ITGB7: variants seen among roughly 807,000 people sequenced by gnomAD.
The protein encoded by ITGB7 is integrin beta-7.
ITGB7 carries 55 observed loss-of-function variants against 83.4 expected under a neutral mutation model. The observed-to-expected ratio is 0.66, with a 90% CI of 0.53 to 0.83. The LOEUF is 0.83. Ranked by LOEUF, ITGB7 falls within the 40% of genes least tolerant of loss-of-function variation. The pLI, the probability that ITGB7 is intolerant of heterozygous loss-of-function variation, is 0.00. For synonymous variants in ITGB7, 454 were observed against 423.6 expected, an observed-to-expected ratio of 1.07 and a Z score of -0.88; for missense variants, 921 against 1,046.7, an observed-to-expected ratio of 0.88 and a Z score of 1.66.
intron 1 of ITGB7, among the ~76,000 whole-genome samples, chr12:53,201,643 T>G (rs920920735): frequency 1.9e-5 from 2 of 105,546 alleles, no homozygotes; most frequent in Admixed American, 1.6e-4. Context: ...CCATTGGCCC[T>G]TTTTTTTTTG....
At chr12:53,200,475 G>C (rs572930216) in intron 2 of ITGB7, 29 bp from the exon 3 acceptor site, 10 of 1,593,744 alleles carry the variant, frequency 6.3e-6, no homozygotes, top group African/African-American at 1.3e-5. Context: ...GGGGACATGT[G>C]GGTCCTCAGG....
At position 53,192,915 on chromosome 12, in the gene ITGB7, G is replaced by A. The variant is rs1253625051; in HGVS notation, c.1727-5C>T. 1.9e-6 allele frequency: 3 copies of A among 1,613,344 alleles called. No individual in the cohort carries two copies. The highest frequency in any genetic ancestry group is 2.7e-5 in the African/African-American group (2 of 74,918). ...CACATTGGCAGCGACCAAAGCCTGG[G>A]GTAGAGCCATGCAGAGGGTGACAAC... On this transcript the variant is annotated splice_region_variant and splice_polypyrimidine_tract_variant and intron_variant, in intron 12 of 15. Coordinates refer to ENST00000267082, the MANE Select transcript of ITGB7 (RefSeq NM_000889.3).
intron 1 of ITGB7, among the ~76,000 whole-genome samples, chr12:53,206,107 C>G (rs1209723962): frequency 6.6e-6 from 1 of 152,182 alleles, no homozygotes; most frequent in Non-Finnish European, 1.5e-5. Flanking sequence ...CAGCCCTTTC[C>G]TACCTTTCTT....
At position 53,197,677 on chromosome 12, in the gene ITGB7, G is replaced by A; in HGVS notation, c.404-14C>T. 1 of 1,612,212 alleles carries A rather than the reference G, an allele frequency of 6.2e-7. No homozygotes were observed. Among genetic ancestry groups the A allele is most frequent in the South Asian group, 1.1e-5 (1 of 90,846 alleles). On this transcript the variant is annotated splice_polypyrimidine_tract_variant and intron_variant, in intron 4 of 15. Coordinates refer to ENST00000267082, the MANE Select transcript of ITGB7 (RefSeq NM_000889.3). ...GCTGGGGCTCCCCTAGGGGGTGGGC[G>A]GCGGGCGGGTCAGCAGAGCGCATTG...
rs567856487 is a variant in ITGB7 at position 53,201,504 on chromosome 12, G to A, written c.-126-310C>T. On this transcript the variant is annotated intron_variant, in intron 1 of 15. Coordinates refer to ENST00000267082, the MANE Select transcript of ITGB7 (RefSeq NM_000889.3). ...TAATCTAGATTGAAGAAAGAGCCTG[G>A]AGACAGGGTAATACCTTGAGTGACC... 2.0e-5 allele frequency among the ~76,000 whole-genome samples: 3 copies of A among 152,260 alleles called. No individual in the cohort carries two copies. In the South Asian group the frequency reaches 6.2e-4, roughly 32 times the overall value.
Position 53,193,707 on chromosome 12 carries a change from C to T in ITGB7, c.1502+1G>A. ...GGTTGAAGGGAAGAGGAGGCCCTCA[C>T]CTGCATACACCACATTGTAGGTGTC... is the stretch of plus-strand genomic sequence containing the variant. On this transcript the variant is annotated splice_donor_variant, in intron 11 of 15. Transcript: ENST00000267082. LOFTEE classifies it high-confidence loss of function. 6.2e-7 allele frequency: 1 copy of T among 1,608,800 alleles called. No individual in the cohort carries two copies. The highest frequency in any genetic ancestry group is 1.1e-5 in the South Asian group (1 of 90,372).
intron 3 of ITGB7, among the ~76,000 whole-genome samples, chr12:53,198,624 C>T (rs1347366432): frequency 7.1e-6 from 1 of 140,492 alleles, no homozygotes; most frequent in Non-Finnish European, 1.5e-5. Flanking sequence ...CCTATCTCAA[C>T]TCCCCCTTGC....
intron 5 of ITGB7, chr12:53,197,253 A>C: frequency 1.7e-6 from 1 of 603,484 alleles, no homozygotes; most frequent in Non-Finnish European, 3.0e-6. Flanking sequence ...GCCTGAGCAC[A>C]GTCTCTCCAG....
Position 53,196,649 on chromosome 12 carries a change from T to C in ITGB7, c.746A>G (p.Gln249Arg), listed in dbSNP as rs1942170893. 6.2e-7 allele frequency: 1 copy of C among 1,612,170 alleles called. No homozygotes were observed. The highest frequency in any genetic ancestry group is 8.5e-7 in the Non-Finnish European group (1 of 1,179,124). The stretch of plus-strand genomic sequence containing the variant: ...CGAGTCCAGATTGCCGGACACACTC[T>C]GGCGCCCCACCTCCCGCTCGAAGGC... ...AQAFEREVGR[Q>R]SVSGNLDSPE... Residue 249 changes from glutamine (Q) to arginine (R), a missense_variant, in exon 6 of 16, where the codon CAG becomes CGG. Transcript: ENST00000267082.
intron 14 of ITGB7, 79 bp from the exon 15 acceptor site, chr12:53,192,098 C>G (rs1476050469): frequency 4.0e-6 from 6 of 1,489,128 alleles, no homozygotes; most frequent in Non-Finnish European, 3.6e-6. Context: ...TGTGTCCAGC[C>G]TGTCCAACCC....
chr12:53,203,703 A>C (rs936081961), intron 1 of ITGB7, among the ~76,000 whole-genome samples: 1 of 151,760 alleles, frequency 6.6e-6, no homozygotes, highest in Non-Finnish European at 1.5e-5. Context: ...GAAGAAAAAA[A>C]CCACAATGAG....
Position 53,200,256 on chromosome 12 carries a change from C to A in ITGB7, c.188G>T (p.Trp63Leu). ...KCILSHPSCA[W>L]CKQLNFTASG... ...GCCCATCTTTACCAGTTGCTTGCAC[C>A]ATGCACAGCTGGGGTGTGAGAGGAT... Residue 63 changes from tryptophan to leucine, a missense_variant, in exon 3 of 16, where the codon TGG becomes TTG. By Grantham distance (61) the Trp-to-Leu change is moderately conservative. Transcript: ENST00000267082. The A allele has an allele frequency of 6.2e-7, 1 of 1,613,940 alleles. No individual in the cohort carries two copies. Among genetic ancestry groups the A allele is most frequent in the Non-Finnish European group, 8.5e-7 (1 of 1,179,980 alleles).
chr12:53,195,951 T>G lies in ITGB7; in HGVS notation c.975+90A>C, dbSNP rs1942147001. The G allele has an allele frequency of 6.1e-6, 9 of 1,465,586 alleles. No homozygotes were observed. In the South Asian group the frequency reaches 7.4e-5, roughly 12 times the overall value. The allele number at this position is 1,465,586 out of a possible 1,614,324, so 90.8% of individuals were successfully genotyped here. Reference sequence around the variant, plus strand: ...GGCAGGGTGTCTACAGGGTGGTTACTGGTGAGGACTGTAAGGCTGGGAGTG... The same window carrying G: ...GGCAGGGTGTCTACAGGGTGGTTACGGGTGAGGACTGTAAGGCTGGGAGTG... On this transcript the variant is annotated intron_variant, in intron 7 of 15. Coordinates refer to ENST00000267082, the MANE Select transcript of ITGB7 (RefSeq NM_000889.3).
chr12:53,196,389 T>C (rs1245264585), intron 6 of ITGB7, 190 bp from the exon 7 acceptor site: 4 of 1,018,604 alleles, frequency 3.9e-6, no homozygotes, highest in Admixed American at 2.9e-5. Context: ...GGAGGCTTAC[T>C]TGTGAATTCG....
intron 1 of ITGB7, among the ~76,000 whole-genome samples, chr12:53,204,251 T>G (rs1270243399): frequency 6.6e-6 from 1 of 151,814 alleles, no homozygotes; most frequent in Non-Finnish European, 1.5e-5. Context: ...ATGGTGGTGG[T>G]CTCCTGTAAC....
chr12:53,202,544 A>G (rs1014815577), intron 1 of ITGB7, among the ~76,000 whole-genome samples: 1 of 151,586 alleles, frequency 6.6e-6, no homozygotes, highest in South Asian at 2.1e-4. Flanking sequence ...TAGTAGAGAG[A>G]GGGTTTGACC....
At chr12:53,191,805 G>A (rs1229999153) in intron 15 of ITGB7, 54 bp downstream of exon 15, 3 of 1,607,562 alleles carry the variant, frequency 1.9e-6, no homozygotes, top group Non-Finnish European at 2.6e-6. Context: ...AATCAGGGCT[G>A]GTCTTGTGGT....
chr12:53,193,740 A>G lies in ITGB7; in HGVS notation c.1470T>C (p.Asp490=), dbSNP rs1215966606. ...CACCACATTGTAGGTGTCCCTGGCC[A>G]TCACTGCAGTGGGGAGCCTGGGGCT... ...DTQPQAPHCS[D]GQGHLQCGVC... is the part of the protein sequence containing the mutation. The change falls in exon 11 of 16, where the codon GAT becomes GAC. Residue 490 remains aspartate, a synonymous_variant. Coordinates refer to ENST00000267082, the MANE Select transcript of ITGB7 (RefSeq NM_000889.3). The G allele has an allele frequency of 3.7e-6, 6 of 1,613,690 alleles. No homozygotes were observed. In the African/African-American group the frequency reaches 8.0e-5, roughly 22 times the overall value.
chr12:53,200,526 G>A (rs1445167606), intron 2 of ITGB7, 80 bp from the exon 3 acceptor site: 2 of 1,199,978 alleles, frequency 1.7e-6, no homozygotes, highest in Non-Finnish European at 2.4e-6. Context: ...TTAGCTTGTG[G>A]TTATCACTCT....
Sources: gnomAD v4.1 joint callset for allele counts (sites outside exome capture counted in the v4.1 genomes callset) on GRCh38, gnomAD v4.1.1 for gene constraint, MANE v1.5 for transcripts, NCBI Gene and HGNC (gene_info 2026-07-23, HGNC 2026-07-21) for gene names.